USP46: variants seen among roughly 807,000 people sequenced by gnomAD.
USP46 encodes the protein ubiquitin specific peptidase 46.
In USP46, 12 loss-of-function variants were observed where a neutral mutation model predicts 44.4. The observed-to-expected ratio is 0.27, with a 90% CI of 0.17 to 0.44. The LOEUF (loss-of-function observed/expected upper bound fraction) is 0.44, where lower values mean the gene tolerates loss of function less well. Ranked by LOEUF, USP46 falls within the 20% of genes least tolerant of loss-of-function variation. The probability of loss-of-function intolerance (pLI) is 1.00; values close to 1 mark genes in which losing one functional copy is unlikely to be tolerated. For synonymous variants in USP46, 155 were observed against 161.5 expected (o/e 0.96, Z 0.31); for missense variants, 248 against 444.8 (o/e 0.56, Z 3.98).
chr4:52,608,610 G>A (rs1202905750), intron 5 of USP46, among the ~76,000 whole-genome samples: 1 of 152,210 alleles, frequency 6.6e-6, no homozygotes, highest in Non-Finnish European at 1.5e-5. Context: ...AGAATCATCT[G>A]AGAGCTTTAA....
At chr4:52,604,072 T>TA (rs1222099534) in intron 6 of USP46, among the ~76,000 whole-genome samples, 1 of 152,214 alleles carries the variant, frequency 6.6e-6, no homozygotes, top group Admixed American at 6.5e-5. Flanking sequence ...CCTCTGTCTC[T>TA]AAATAAGAGG....
intron 4 of USP46, among the ~76,000 whole-genome samples, chr4:52,621,395 T>C (rs1215796542): frequency 6.6e-6 from 1 of 152,090 alleles, no homozygotes; most frequent in African/African-American, 2.4e-5. Context: ...GTGGCTCACG[T>C]ATGTAATCCC....
At chr4:52,641,603 G>A (rs1474375573) in intron 1 of USP46, among the ~76,000 whole-genome samples, 1 of 152,122 alleles carries the variant, frequency 6.6e-6, no homozygotes, top group Non-Finnish European at 1.5e-5. Flanking sequence ...CAAAACAATG[G>A]CATTAAAAGG....
At chr4:52,597,864 G>A (rs1716307381) in intron 8 of USP46, 123 bp from the exon 9 acceptor site, 3 of 725,926 alleles carry the variant, frequency 4.1e-6, no homozygotes, top group Admixed American at 3.3e-5. Context: ...ATCATCATTA[G>A]GAACTTTCAA....
At chr4:52,608,398 C>T (rs984408572) in intron 5 of USP46, among the ~76,000 whole-genome samples, 4 of 152,234 alleles carry the variant, frequency 2.6e-5, no homozygotes, top group African/African-American at 7.2e-5. Context: ...CACAGAAATA[C>T]TACATGAGAA....
chr4:52,615,133 GAAAT>G (rs1367006649), intron 4 of USP46, among the ~76,000 whole-genome samples: 5 of 151,680 alleles, frequency 3.3e-5, no homozygotes, highest in African/African-American at 1.2e-4. Context: ...AAAAATAGAG[GAAAT>G]AAATAGAAAA....
chr4:52,650,100 G>A (rs763037919), intron 1 of USP46, among the ~76,000 whole-genome samples: 7 of 152,166 alleles, frequency 4.6e-5, no homozygotes, highest in Non-Finnish European at 1.0e-4. Flanking sequence ...TGACTTCCAG[G>A]ATTATACCCT....
At chr4:52,633,292 C>G (rs939424559) in intron 1 of USP46, among the ~76,000 whole-genome samples, 8 of 152,166 alleles carry the variant, frequency 5.3e-5, no homozygotes, top group Admixed American at 6.5e-5. Flanking sequence ...ACTGTTGCAC[C>G]AAACGAATAA....
intron 1 of USP46, among the ~76,000 whole-genome samples, chr4:52,632,989 G>GAAAGAAAGAAAAGAAA (rs1717954136): frequency 1.1e-3 from 34 of 31,974 alleles, no homozygotes; most frequent in South Asian, 5.2e-3. Context: ...AGAAAGAAAA[G>GAAAGAAAGAAAAGAAA]AAAAGAAAGA....
At chr4:52,632,904 GAGAAAGAAAGAAAGAGAA>G (rs1560405681) in intron 1 of USP46, among the ~76,000 whole-genome samples, 4 of 86,884 alleles carry the variant, frequency 4.6e-5, no homozygotes, top group African/African-American at 1.7e-4. Flanking sequence ...GGAAGGGAAA[GAGAAAGAAAGAAAGAGAA>G]AGAAAGAAAG....
At position 52,636,808 on chromosome 4, in the gene USP46, CT is replaced by C. The variant is rs201531652; in HGVS notation, c.37-5665del. Among the ~76,000 whole-genome samples the C allele has an allele frequency of 3.9e-3, 548 of 139,898 alleles. 2 individuals are homozygous for C. The highest frequency in any genetic ancestry group is 7.1e-3 in the Middle Eastern group (2 of 280). The allele number at this position is 139,898 out of a possible 152,430, so 91.8% of individuals were successfully genotyped here. ...TGTCTCAGGTGTTCCATAATAAAAT[CT>C]TTTTTTTTTTCTTTTTATGAGACAG... is the stretch of plus-strand genomic sequence containing the variant. On this transcript the variant is annotated intron_variant, in intron 1 of 8. Coordinates refer to ENST00000441222, the MANE Select transcript of USP46 (RefSeq NM_022832.4).
At chr4:52,642,570 C>G (rs964959194) in intron 1 of USP46, among the ~76,000 whole-genome samples, 1 of 152,124 alleles carries the variant, frequency 6.6e-6, no homozygotes, top group Non-Finnish European at 1.5e-5. Flanking sequence ...TCTGAAGCAC[C>G]CCTTGAAATT....
intron 4 of USP46, 122 bp downstream of exon 4, chr4:52,625,896 A>T: frequency 2.0e-6 from 2 of 1,001,676 alleles, no homozygotes; most frequent in Admixed American, 2.9e-5. Context: ...ATGCATAAAT[A>T]GGATTATTTA....
chr4:52,606,300 C>G (rs1432507893), intron 5 of USP46, among the ~76,000 whole-genome samples: 1 of 152,182 alleles, frequency 6.6e-6, no homozygotes, highest in Non-Finnish European at 1.5e-5. Context: ...AGGTAGGGAA[C>G]AGCAGCGGTG....
At chr4:52,604,254 TATTTGCTGAATG>T (rs1337921157) in intron 6 of USP46, among the ~76,000 whole-genome samples, 3 of 152,244 alleles carry the variant, frequency 2.0e-5, no homozygotes, top group Non-Finnish European at 4.4e-5. Context: ...GCTCAACAAA[TATTTGCTGAATG>T]ACTGAATGAA....
intron 4 of USP46, among the ~76,000 whole-genome samples, chr4:52,625,685 A>G (rs1302804724): frequency 1.3e-5 from 2 of 152,206 alleles, no homozygotes; most frequent in Non-Finnish European, 2.9e-5. Context: ...TCTACATCAC[A>G]CAAGACCTCC....
chr4:52,654,736 G>C (rs958550174), intron 1 of USP46, among the ~76,000 whole-genome samples: 1 of 152,072 alleles, frequency 6.6e-6, no homozygotes, highest in Non-Finnish European at 1.5e-5. Flanking sequence ...CACTCAAACT[G>C]ATGTCAAAAA....
rs1161093963 is a variant in USP46, at chr4:52,596,829, T to C, written c.*811A>G. Reference sequence around the variant, plus strand: ...AAGCTTAGCAGTGCCGGATACAGGATAAATACAACTCACAGGGCCTTACAT... The same window carrying C: ...AAGCTTAGCAGTGCCGGATACAGGACAAATACAACTCACAGGGCCTTACAT... On this transcript the variant is annotated 3_prime_UTR_variant, in exon 9 of 9. Coordinates refer to ENST00000441222, the MANE Select transcript of USP46 (RefSeq NM_022832.4). 1 of 152,628 alleles carries C rather than the reference T, an allele frequency of 6.6e-6. No homozygotes were observed. Among genetic ancestry groups the C allele is most frequent in the Non-Finnish European group, 1.5e-5 (1 of 68,032 alleles). The allele number at this position is 152,628 out of a possible 1,614,324, so 9.5% of individuals were successfully genotyped here.
chr4:52,655,947 G>A (rs1718931007), intron 1 of USP46, among the ~76,000 whole-genome samples: 1 of 152,160 alleles, frequency 6.6e-6, no homozygotes, highest in South Asian at 2.1e-4. Flanking sequence ...CAAGAAGTAT[G>A]GGGAAAAGAG....
Sources: gnomAD v4.1 joint callset for allele counts (sites outside exome capture counted in the v4.1 genomes callset) on GRCh38, gnomAD v4.1.1 for gene constraint, MANE v1.5 for transcripts, NCBI Gene and HGNC (gene_info 2026-07-23, HGNC 2026-07-21) for gene names.